The following PTPRD variants were observed in gnomAD, a reference collection of about 807,000 sequenced individuals.
PTPRD encodes the protein receptor-type tyrosine-protein phosphatase delta.
PTPRD carries 34 observed loss-of-function variants against 214.5 expected under a neutral mutation model. The observed-to-expected ratio is 0.16, with a 90% confidence interval of 0.12 to 0.21. The LOEUF (loss-of-function observed/expected upper bound fraction) is 0.21. Ranked by LOEUF, PTPRD falls within the 10% of genes least tolerant of loss-of-function variation. The probability of loss-of-function intolerance (pLI) is 1.00; values close to 1 mark genes in which losing one functional copy is unlikely to be tolerated. For synonymous variants in PTPRD, 1,128 were observed against 845.7 expected (o/e 1.33, Z -5.79); for missense variants, 2,545 against 2,398.7 (o/e 1.06, Z -1.27).
intron 8 of PTPRD, among the ~76,000 whole-genome samples, chr9:9,532,062 T>C (rs901755363): frequency 6.6e-6 from 1 of 151,978 alleles, no homozygotes; most frequent in African/African-American, 2.4e-5. Context: ...ATGGTAAAAA[T>C]ATGAGCATAA....
At chr9:8,755,854 G>A (rs2093952987) in intron 11 of PTPRD, among the ~76,000 whole-genome samples, 1 of 152,112 alleles carries the variant, frequency 6.6e-6, no homozygotes, top group Non-Finnish European at 1.5e-5. Flanking sequence ...CCAGCCCAAA[G>A]CACTGAGACT....
At chr9:9,327,616 C>A (rs1285659372) in intron 9 of PTPRD, among the ~76,000 whole-genome samples, 2 of 151,970 alleles carry the variant, frequency 1.3e-5, no homozygotes, top group Non-Finnish European at 2.9e-5. Flanking sequence ...GTTTCTATTG[C>A]AAGAGGTTTA....
intron 2 of PTPRD, among the ~76,000 whole-genome samples, chr9:10,409,935 C>T (rs1483628076): frequency 6.6e-6 from 1 of 151,692 alleles, no homozygotes; most frequent in African/African-American, 2.4e-5. Flanking sequence ...ATCTTGACTA[C>T]AACCTCACAA....
At chr9:10,211,200 C>T (rs573276080) in intron 3 of PTPRD, among the ~76,000 whole-genome samples, 9 of 151,674 alleles carry the variant, frequency 5.9e-5, no homozygotes, top group Middle Eastern at 3.4e-3. Context: ...CATCTGTGGA[C>T]GAAATAGAAG....
intron 9 of PTPRD, among the ~76,000 whole-genome samples, chr9:9,324,047 C>T (rs1347172191): frequency 1.3e-5 from 2 of 152,134 alleles, no homozygotes; most frequent in African/African-American, 4.8e-5. Flanking sequence ...GCATAGTATT[C>T]CATGTAGTAT....
intron 2 of PTPRD, among the ~76,000 whole-genome samples, chr9:10,348,420 T>C (rs528297409): frequency 7.2e-5 from 11 of 152,238 alleles, no homozygotes; most frequent in African/African-American, 2.6e-4. Flanking sequence ...TAAAACAGGG[T>C]TGACAAGCAT....
chr9:9,445,572 G>A (rs746101569), intron 8 of PTPRD, among the ~76,000 whole-genome samples: 1 of 152,072 alleles, frequency 6.6e-6, no homozygotes, highest in Non-Finnish European at 1.5e-5. Flanking sequence ...AAGCAAACAC[G>A]TCCTTCTTCA....
intron 6 of PTPRD, among the ~76,000 whole-genome samples, chr9:9,750,972 C>T (rs905262882): frequency 2.0e-5 from 3 of 152,098 alleles, no homozygotes; most frequent in African/African-American, 7.2e-5. Flanking sequence ...ATTAAATCAT[C>T]ACTGGAGAAA....
intron 2 of PTPRD, among the ~76,000 whole-genome samples, chr9:10,526,371 A>T (rs1467600548): frequency 2.6e-5 from 4 of 152,118 alleles, no homozygotes; most frequent in African/African-American, 9.6e-5. Flanking sequence ...ACACATTTTT[A>T]AGTATAATAA....
intron 9 of PTPRD, among the ~76,000 whole-genome samples, chr9:9,286,552 T>C (rs952370051): frequency 1.5e-4 from 23 of 151,742 alleles, no homozygotes; most frequent in African/African-American, 4.3e-4. Context: ...TACGTTTTTC[T>C]AATTACTTTT....
chr9:9,671,887 G>C lies in PTPRD; in HGVS notation c.-287+62646C>G, dbSNP rs1397748963. On this transcript the variant is annotated intron_variant, in intron 7 of 45. Coordinates refer to ENST00000381196, the MANE Select transcript of PTPRD (RefSeq NM_002839.4). ...ATGAAAATGGACTAATACAGGGGAA[G>C]ACTTACATTTGCCACAAACATTCCT... Among the ~76,000 whole-genome samples, 14 of 152,264 alleles carry C rather than the reference G, an allele frequency of 9.2e-5. No homozygotes were observed. The East Asian group carries it at 2.5e-3, about 27-fold the overall frequency.
At chr9:8,744,210 C>T (rs1001103165) in intron 11 of PTPRD, among the ~76,000 whole-genome samples, 1 of 152,124 alleles carries the variant, frequency 6.6e-6, no homozygotes, top group African/African-American at 2.4e-5. Context: ...AGAATGTAAA[C>T]TAGTAAAACC....
chr9:10,363,967 T>A lies in PTPRD; in HGVS notation c.-599-22950A>T, dbSNP rs190754679. On this transcript the variant is annotated intron_variant, in intron 2 of 45. Transcript: ENST00000381196. ...ATAACTTCCCAATCAATATGTACTA[T>A]TATTATTGCCTCCACATTTTCGGGT... Among the ~76,000 whole-genome samples, 21 of 150,406 alleles carry A rather than the reference T, an allele frequency of 1.4e-4. 1 individual carries two copies. In the East Asian group the frequency reaches 4.3e-3, roughly 31 times the overall value.
At chr9:9,789,134 T>C (rs1213579257) in intron 5 of PTPRD, among the ~76,000 whole-genome samples, 1 of 152,254 alleles carries the variant, frequency 6.6e-6, no homozygotes, top group East Asian at 1.9e-4. Flanking sequence ...TTTATTGTAG[T>C]CTACTTTGAG....
chr9:9,704,189 G>A (rs1252481857), intron 7 of PTPRD, among the ~76,000 whole-genome samples: 1 of 151,998 alleles, frequency 6.6e-6, no homozygotes, highest in East Asian at 1.9e-4. Flanking sequence ...CTCAAGTACA[G>A]CACATCTACA....
chr9:8,914,792 C>G (rs1291603097), intron 11 of PTPRD, among the ~76,000 whole-genome samples: 1 of 151,964 alleles, frequency 6.6e-6, no homozygotes, highest in Non-Finnish European at 1.5e-5. Flanking sequence ...GGAGAGACAC[C>G]ATTTAGAATT....
chr9:9,667,253 A>G (rs989112791), intron 7 of PTPRD, among the ~76,000 whole-genome samples: 3 of 152,042 alleles, frequency 2.0e-5, no homozygotes, highest in African/African-American at 7.2e-5. Context: ...CAAAGCTCCA[A>G]ATATTACCAT....
At chr9:10,433,394 T>C (rs534826319) in intron 2 of PTPRD, among the ~76,000 whole-genome samples, 116 of 152,116 alleles carry the variant, frequency 7.6e-4, no homozygotes, top group African/African-American at 2.6e-3. Context: ...AAACACCTAC[T>C]AGTTTCAGGA....
chr9:9,744,424 G>C (rs191684900), intron 6 of PTPRD, among the ~76,000 whole-genome samples: 12 of 152,230 alleles, frequency 7.9e-5, no homozygotes, highest in African/African-American at 2.9e-4. Context: ...CTGCAAGACT[G>C]AGTTTGAGAA....
Sources: gnomAD v4.1 joint callset for allele counts (sites outside exome capture counted in the v4.1 genomes callset) on GRCh38, gnomAD v4.1.1 for gene constraint, MANE v1.5 for transcripts, NCBI Gene and HGNC (gene_info 2026-07-23, HGNC 2026-07-21) for gene names.